The following PPP4R2 variants were observed in gnomAD, a reference collection of about 807,000 sequenced individuals.
PPP4R2 encodes the protein protein phosphatase 4 regulatory subunit 2.
Under a neutral mutation model 47.2 loss-of-function variants are expected in PPP4R2, and 13 were observed. The observed-to-expected ratio is 0.28, with a 90% CI of 0.18 to 0.44. PPP4R2 has a LOEUF of 0.44. Ranked by LOEUF, PPP4R2 falls within the 20% of genes least tolerant of loss-of-function variation. The probability of loss-of-function intolerance (pLI) is 1.00; values close to 1 mark genes in which losing one functional copy is unlikely to be tolerated. For synonymous variants in PPP4R2, 151 were observed against 163.3 expected (o/e 0.92, Z 0.57); for missense variants, 421 against 491.2 (o/e 0.86, Z 1.35).
intron 7 of PPP4R2, 121 bp from the exon 8 acceptor site, chr3:73,064,731 G>T: frequency 1.2e-6 from 1 of 834,796 alleles, no homozygotes; most frequent in Non-Finnish European, 1.9e-6. Context: ...TCTTTGTTCA[G>T]GTGTTATAAT....
At chr3:72,997,451 T>TGGTGGG (rs1479330225) in intron 1 of PPP4R2, 1 of 160,752 alleles carries the variant, frequency 6.2e-6, no homozygotes, top group Non-Finnish European at 1.3e-5. Context: ...AGTAAACGGT[T>TGGTGGG]GGTGGGGGCG....
intron 2 of PPP4R2, among the ~76,000 whole-genome samples, chr3:73,011,946 G>C (rs1701733388): frequency 6.6e-6 from 1 of 152,140 alleles, no homozygotes; most frequent in Non-Finnish European, 1.5e-5. Context: ...GAAATTTAAG[G>C]AAAGTGCGAG....
Position 73,065,815 on chromosome 3 carries a change from T to C in PPP4R2, c.*93T>C. The C allele has an allele frequency of 1.2e-6, 1 of 802,924 alleles. No homozygotes were observed. Among genetic ancestry groups the C allele is most frequent in the South Asian group, 2.1e-5 (1 of 48,346 alleles). The allele number at this position is 802,924 out of a possible 1,614,324, so 49.7% of individuals were successfully genotyped here. A position where few individuals can be genotyped will look rare whatever the true frequency, so the allele number is the denominator to read the frequency against. ...GTGTAATAAAATGGACCTTTAGTTT[T>C]ACAAGAGAAGCAGGTTGTAAAATAA... On this transcript the variant is annotated 3_prime_UTR_variant, in exon 9 of 9. Coordinates refer to ENST00000356692, the MANE Select transcript of PPP4R2 (RefSeq NM_174907.4).
At chr3:73,014,901 G>T in intron 2 of PPP4R2, 1 of 650,110 alleles carries the variant, frequency 1.5e-6, no homozygotes, top group East Asian at 2.8e-5. Context: ...ATGGGGTCTT[G>T]CTGTGTTGCC....
intron 2 of PPP4R2, among the ~76,000 whole-genome samples, chr3:73,033,077 C>G (rs934689320): frequency 6.6e-6 from 1 of 152,100 alleles, no homozygotes; most frequent in Non-Finnish European, 1.5e-5. Context: ...GTGTTGGAGT[C>G]TCAGTATTCT....
At chr3:73,018,320 G>T (rs1303737578) in intron 2 of PPP4R2, among the ~76,000 whole-genome samples, 1 of 151,620 alleles carries the variant, frequency 6.6e-6, no homozygotes, top group Non-Finnish European at 1.5e-5. Context: ...TTGACAGCGG[G>T]ATTTAAGTAT....
chr3:73,012,787 G>A (rs772664284), intron 2 of PPP4R2, among the ~76,000 whole-genome samples: 3 of 152,020 alleles, frequency 2.0e-5, no homozygotes, highest in Non-Finnish European at 2.9e-5. Context: ...GGTGGTGGCC[G>A]TTTTTGTTTC....
intron 1 of PPP4R2, chr3:72,997,302 C>T (rs1575830535): frequency 1.5e-5 from 6 of 399,888 alleles, no homozygotes; most frequent in Non-Finnish European, 2.3e-5. Flanking sequence ...GGAGGGGAGC[C>T]GGGGAAACTC....
intron 2 of PPP4R2, among the ~76,000 whole-genome samples, chr3:73,018,452 T>TTTATGTTATGTTATGTTATG (rs1701894739): frequency 1.7e-4 from 16 of 96,506 alleles, no homozygotes; most frequent in Admixed American, 6.9e-4. Context: ...TGTTATGTTA[T>TTTATGTTATGTTATGTTATG]TTATGTTATG....
intron 2 of PPP4R2, among the ~76,000 whole-genome samples, chr3:73,020,672 T>TTAAA (rs59905202): frequency 0.058 from 7,692 of 133,146 alleles, 413 homozygotes; most frequent in African/African-American, 0.12. Flanking sequence ...CCTGTCTCTT[T>TTAAA]AAAAAAAAAA....
chr3:73,047,241 G>C lies in PPP4R2; in HGVS notation c.172G>C (p.Asp58His). The C allele has an allele frequency of 6.2e-7, 1 of 1,602,672 alleles. No homozygotes were observed. The highest frequency in any genetic ancestry group is 1.1e-5 in the South Asian group (1 of 89,684). Reference sequence around the variant, plus strand: ...TATTTTCAAACTGGAGAAAGTGATGGATGATTTCAGAACTTCAGCTCCTGA... The same window carrying C: ...TATTTTCAAACTGGAGAAAGTGATGCATGATTTCAGAACTTCAGCTCCTGA... The part of the protein sequence containing the change: ...YFIFKLEKVM[D>H]DFRTSAPEPR... Residue 58 changes from aspartate to histidine, a missense_variant, in exon 3 of 9, where the codon GAT (aspartate) becomes CAT (histidine). Physicochemically the swap from Asp to His is moderately conservative, Grantham distance 81 (BLOSUM62 -1). This residue lies in a region of PPP4R2 where 104 missense variants were observed against 203.7 expected (regional missense o/e 0.51). Transcript: ENST00000356692.
intron 3 of PPP4R2, among the ~76,000 whole-genome samples, chr3:73,048,127 G>A (rs1190213455): frequency 1.3e-5 from 2 of 152,084 alleles, no homozygotes; most frequent in East Asian, 1.9e-4. Flanking sequence ...CGCCTGCCTC[G>A]GCCTCCCAAA....
Position 72,997,032 on chromosome 3 carries a change from G to A in PPP4R2, c.-6G>A, listed in dbSNP as rs1575830139. 2.1e-6 allele frequency: 3 copies of A among 1,400,972 alleles called. No individual in the cohort carries two copies. The highest frequency in any genetic ancestry group is 3.7e-4 in the Middle Eastern group (2 of 5,396). 86.8% of individuals were successfully genotyped at this position (1,400,972 alleles called of 1,614,324 possible). On this transcript the variant is annotated 5_prime_UTR_variant, in exon 1 of 9. Coordinates refer to ENST00000356692, the MANE Select transcript of PPP4R2 (RefSeq NM_174907.4). Reference sequence around the variant, plus strand: ...AGGCGGAGGCTGTGAGGGACTCCGGGAAGCCATGGACGTCGAGAGGCTCCA... The same window carrying A: ...AGGCGGAGGCTGTGAGGGACTCCGGAAAGCCATGGACGTCGAGAGGCTCCA...
At chr3:73,035,517 T>C (rs1702245442) in intron 2 of PPP4R2, among the ~76,000 whole-genome samples, 1 of 152,204 alleles carries the variant, frequency 6.6e-6, no homozygotes, top group African/African-American at 2.4e-5. Context: ...AGTGTAGAGA[T>C]TCCTCAGAAA....
At chr3:73,008,519 A>C (rs1043647148) in intron 2 of PPP4R2, among the ~76,000 whole-genome samples, 1 of 152,108 alleles carries the variant, frequency 6.6e-6, no homozygotes, top group Non-Finnish European at 1.5e-5. Context: ...TCCTAATTGC[A>C]TGTGAGTTAG....
At chr3:73,055,506 C>CG (rs1702714756) in intron 3 of PPP4R2, among the ~76,000 whole-genome samples, 1 of 146,246 alleles carries the variant, frequency 6.8e-6, no homozygotes, top group African/African-American at 2.6e-5. Flanking sequence ...ATGTGTGGGG[C>CG]GGGGGGTTTA....
At position 73,002,860 on chromosome 3, in the gene PPP4R2, T is replaced by C. The variant is rs192564607; in HGVS notation, c.116+4702T>C. ...GGTTTCACTGTGTTAGCCAGGATGG[T>C]CTCGATCTCCTGACCTCGTGATCCA... On this transcript the variant is annotated intron_variant, in intron 2 of 8. Coordinates refer to ENST00000356692, the MANE Select transcript of PPP4R2 (RefSeq NM_174907.4). 3.0e-3 allele frequency among the ~76,000 whole-genome samples: 452 copies of C among 151,980 alleles called. 1 individual carries two copies. Among genetic ancestry groups the C allele is most frequent in the African/African-American group, 0.01 (428 of 41,442 alleles).
At chr3:73,012,115 C>A (rs1701737503) in intron 2 of PPP4R2, among the ~76,000 whole-genome samples, 1 of 152,140 alleles carries the variant, frequency 6.6e-6, no homozygotes, top group South Asian at 2.1e-4. Flanking sequence ...TGTGGATGCT[C>A]AGTCCCTGAT....
chr3:73,041,311 G>T (rs4677234), intron 2 of PPP4R2, among the ~76,000 whole-genome samples: 80,075 of 151,990 alleles, frequency 0.53, 21,456 homozygotes, highest in African/African-American at 0.62. Flanking sequence ...TTTATAGAGA[G>T]AGTAATTTGT....
Sources: allele counts gnomAD v4.1 joint callset (sites outside exome capture counted in the v4.1 genomes callset), GRCh38; gene constraint gnomAD v4.1.1; regional missense constraint gnomAD v4.1.1; transcripts MANE v1.5; gene names NCBI Gene and HGNC (gene_info 2026-07-23, HGNC 2026-07-21).